Variants in ASH1L observed in about 807,000 individuals in gnomAD.
ASH1L encodes the protein histone-lysine N-methyltransferase ASH1L.
Under a neutral mutation model 269.0 loss-of-function variants are expected in ASH1L, and 23 were observed. The ratio of observed to expected loss-of-function variants is 0.09; its 90% CI spans 0.06 to 0.12. The LOEUF (loss-of-function observed/expected upper bound fraction) is 0.12. Among genes scored for constraint, ASH1L ranks in the 10% least tolerant of loss-of-function variants. The probability of loss-of-function intolerance (pLI) is 1.00; values close to 1 mark genes in which losing one functional copy is unlikely to be tolerated. For missense variants in ASH1L, 2,912 were observed against 3,567.8 expected, an observed-to-expected ratio of 0.82 and a Z score of 4.68; for synonymous variants, 1,187 against 1,253.5, an observed-to-expected ratio of 0.95 and a Z score of 1.12.
chr1:155,369,179 C>T (rs987473546), intron 12 of ASH1L, among the ~76,000 whole-genome samples: 1 of 152,138 alleles, frequency 6.6e-6, no homozygotes, highest in Non-Finnish European at 1.5e-5. Flanking sequence ...CGCGGTGGCT[C>T]ACGCCTGTAA....
At position 155,521,315 on chromosome 1, in the gene ASH1L, C is replaced by T; in HGVS notation, c.205G>A (p.Ala69Thr). The T allele has an allele frequency of 2.5e-6, 4 of 1,614,118 alleles. No individual in the cohort carries two copies. Among genetic ancestry groups the T allele is most frequent in the Non-Finnish European group, 3.4e-6 (4 of 1,179,998 alleles). Reference sequence around the variant, plus strand: ...TCTTTCACTGAAAACTGTTGCTGTGCATCAGTCAAACCATCATCTTTCCCA... The same window carrying T: ...TCTTTCACTGAAAACTGTTGCTGTGTATCAGTCAAACCATCATCTTTCCCA... ...EAGKDDGLTD[A>T]QQQFSVKETN... The change falls in exon 2 of 28, where the codon GCA becomes ACA. Residue 69 changes from alanine (A) to threonine (T), a missense_variant. Around this residue, in one of 13 missense-constraint regions of ASH1L, gnomAD observed 115 missense variants for 101.5 expected, o/e 1.13. Coordinates refer to ENST00000392403, the MANE Select transcript of ASH1L (RefSeq NM_018489.3).
At chr1:155,420,240 G>A (rs919855979) in intron 5 of ASH1L, among the ~76,000 whole-genome samples, 14 of 150,522 alleles carry the variant, frequency 9.3e-5, no homozygotes, top group African/African-American at 3.4e-4. Context: ...CAGGAGAATC[G>A]CTTGAACCCA....
chr1:155,507,214 A>T (rs530209618), intron 2 of ASH1L, among the ~76,000 whole-genome samples: 25 of 145,558 alleles, frequency 1.7e-4, no homozygotes, highest in African/African-American at 5.6e-4. Context: ...CAGGAGGTGG[A>T]GGTTGCGGTG....
intron 12 of ASH1L, 58 bp downstream of exon 12, chr1:155,370,446 G>A (rs767773363): frequency 3.7e-5 from 60 of 1,602,720 alleles, no homozygotes; most frequent in Non-Finnish European, 4.8e-5. Context: ...TCAATCCCTT[G>A]CTGCACTCAA....
intron 21 of ASH1L, 29 bp from the exon 22 acceptor site, chr1:155,344,302 G>A (rs748001710): frequency 2.7e-5 from 41 of 1,530,270 alleles, no homozygotes; most frequent in Non-Finnish European, 3.5e-5. Flanking sequence ...CAATGTATAA[G>A]GGCTGGAATT....
At chr1:155,411,586 A>T (rs10908464) in intron 6 of ASH1L, among the ~76,000 whole-genome samples, 938 of 54,650 alleles carry the variant, frequency 0.017, 32 homozygotes, top group African/African-American at 0.051. Context: ...TAAATAAATA[A>T]ATATATATAT....
chr1:155,336,080 T>G lies in ASH1L; in HGVS notation c.*1580A>C, dbSNP rs890139077. 1 of 150,648 alleles carries G rather than the reference T, an allele frequency of 6.6e-6. No individual in the cohort carries two copies. The highest frequency in any genetic ancestry group is 2.5e-5 in the African/African-American group (1 of 39,554). The allele number at this position is 150,648 out of a possible 1,614,324, so 9.3% of individuals were successfully genotyped here. ...TTCTCTTTTTTCTTTAATAAAATAT[T>G]TATTTTGCTTTTTCTCTGCTCAAGG... On this transcript the variant is annotated 3_prime_UTR_variant, in exon 28 of 28. Transcript: ENST00000392403.
At chr1:155,415,121 C>T (rs1277228944) in intron 6 of ASH1L, among the ~76,000 whole-genome samples, 2 of 151,998 alleles carry the variant, frequency 1.3e-5, no homozygotes, top group African/African-American at 2.4e-5. Context: ...CGGTGGTTCA[C>T]GCCTGTAATC....
At chr1:155,537,043 CAAA>C (rs753661652) in intron 1 of ASH1L, among the ~76,000 whole-genome samples, 2 of 79,778 alleles carry the variant, frequency 2.5e-5, no homozygotes, top group Admixed American at 1.4e-4. Flanking sequence ...GACTCTGTCT[CAAA>C]AAAAAAAAAA....
At chr1:155,442,310 C>T (rs554275342) in intron 4 of ASH1L, among the ~76,000 whole-genome samples, 11 of 151,844 alleles carry the variant, frequency 7.2e-5, no homozygotes, top group Admixed American at 6.6e-5. Context: ...CACAAAGGCC[C>T]GGCAAGGTGG....
In ASH1L at chr1:155,438,557, T is replaced by G; in HGVS notation, c.5598A>C (p.Ala1866=). The part of the protein sequence containing the change: ...CPLQAVVSMQ[A]FQAAQFVNPE... Reference sequence around the variant, plus strand: ...GGTTGACAAACTGAGCAGCCTGGAATGCTTGCATTGATACGACAGCCTGAA... The same window carrying G: ...GGTTGACAAACTGAGCAGCCTGGAAGGCTTGCATTGATACGACAGCCTGAA... The change falls in exon 5 of 28, where the codon GCA becomes GCC. Residue 1866 remains alanine (A), a synonymous_variant. Transcript: ENST00000392403. The G allele has an allele frequency of 6.2e-7, 1 of 1,613,966 alleles. No individual in the cohort carries two copies. The highest frequency in any genetic ancestry group is 8.5e-7 in the Non-Finnish European group (1 of 1,179,936).
At position 155,465,303 on chromosome 1, in the gene ASH1L, A is replaced by C. The variant is rs574613303; in HGVS notation, c.4985-5405T>G. 3.2e-4 allele frequency among the ~76,000 whole-genome samples: 49 copies of C among 151,698 alleles called. 1 individual carries two copies. In the South Asian group the frequency reaches 7.3e-3, roughly 22 times the overall value. ...ATACAAATTAGCAAAAAAAAAAAAA[A>C]AAAAAAAAACAGTGAATTAAATCAA... On this transcript the variant is annotated intron_variant, in intron 3 of 27. Coordinates refer to ENST00000392403, the MANE Select transcript of ASH1L (RefSeq NM_018489.3).
intron 3 of ASH1L, among the ~76,000 whole-genome samples, chr1:155,466,362 A>G (rs1039211199): frequency 6.9e-6 from 1 of 145,930 alleles, no homozygotes; most frequent in Non-Finnish European, 1.5e-5. Flanking sequence ...TCAAAAAAAC[A>G]AAACAAAACA....
intron 5 of ASH1L, chr1:155,433,247 G>T: frequency 1.3e-6 from 2 of 1,552,220 alleles, no homozygotes; most frequent in East Asian, 2.4e-5. Flanking sequence ...TGATGGGCCA[G>T]GGGGGCCGGA....
At chr1:155,360,127 T>C (rs895699923) in intron 13 of ASH1L, among the ~76,000 whole-genome samples, 174 bp downstream of exon 13, 1 of 152,116 alleles carries the variant, frequency 6.6e-6, no homozygotes, top group Non-Finnish European at 1.5e-5. Flanking sequence ...TGAGCTCAAG[T>C]GATCTGCCCA....
intron 27 of ASH1L, 31 bp from the exon 28 acceptor site, chr1:155,337,782 A>C: frequency 6.4e-7 from 1 of 1,573,924 alleles, no homozygotes; most frequent in Non-Finnish European, 8.7e-7. Flanking sequence ...GCTCATCAAA[A>C]TACCAATCTC....
intron 3 of ASH1L, among the ~76,000 whole-genome samples, chr1:155,473,663 A>G (rs556430692): frequency 6.6e-6 from 1 of 152,020 alleles, no homozygotes; most frequent in South Asian, 2.1e-4. Context: ...TGCCCAGCTA[A>G]TTTAAAAAAC....
At chr1:155,550,491 C>T (rs954807272) in intron 1 of ASH1L, among the ~76,000 whole-genome samples, 4 of 152,192 alleles carry the variant, frequency 2.6e-5, no homozygotes, top group African/African-American at 9.6e-5. Context: ...TATCTCCTAT[C>T]ACTATTCCCC....
chr1:155,469,973 CA>C (rs1664975287), intron 3 of ASH1L, among the ~76,000 whole-genome samples: 1 of 152,192 alleles, frequency 6.6e-6, no homozygotes. Flanking sequence ...GGTCCCATAT[CA>C]AACCATTAAC....
Sources: gnomAD v4.1 joint callset for allele counts (sites outside exome capture counted in the v4.1 genomes callset) on GRCh38, gnomAD v4.1.1 for gene constraint, gnomAD v4.1.1 regional missense constraint, MANE v1.5 for transcripts, NCBI Gene and HGNC (gene_info 2026-07-23, HGNC 2026-07-21) for gene names.